Variants in TENM4 observed in about 807,000 individuals in gnomAD.
The protein encoded by TENM4 is teneurin-4.
A neutral mutation model predicts 243.3 loss-of-function variants in TENM4; 82 were observed. The observed-to-expected ratio is 0.34, with a 90% CI of 0.28 to 0.40. The LOEUF (loss-of-function observed/expected upper bound fraction) is 0.40. TENM4 is among the 10% of genes least tolerant of loss of function. The pLI, the probability that TENM4 is intolerant of heterozygous loss-of-function variation, is 1.00. For missense variants in TENM4, 3,138 were observed against 3,673.3 expected (o/e 0.85, Z 3.77); for synonymous variants, 1,412 against 1,456.3 (o/e 0.97, Z 0.69).
chr11:79,394,852 C>A (rs927224678), intron 1 of TENM4, among the ~76,000 whole-genome samples: 1 of 152,078 alleles, frequency 6.6e-6, no homozygotes, highest in African/African-American at 2.4e-5. Flanking sequence ...GAGAAGATAG[C>A]CATGTGAGGG....
intron 2 of TENM4, among the ~76,000 whole-genome samples, chr11:79,288,140 A>G (rs1470842446): frequency 6.6e-6 from 1 of 152,206 alleles, no homozygotes; most frequent in Non-Finnish European, 1.5e-5. Context: ...CCCTTGTGAA[A>G]CTGCTAGGCT....
At chr11:78,819,382 T>G (rs1351654187) in intron 12 of TENM4, among the ~76,000 whole-genome samples, 1 of 152,222 alleles carries the variant, frequency 6.6e-6, no homozygotes, top group Non-Finnish European at 1.5e-5. Context: ...TTTTCCTTTC[T>G]AAAATCCTGA....
chr11:78,984,882 G>A (rs1316035958), intron 6 of TENM4, among the ~76,000 whole-genome samples: 1 of 152,068 alleles, frequency 6.6e-6, no homozygotes, highest in African/African-American at 2.4e-5. Flanking sequence ...GCGATCAGTG[G>A]TTCCACGCAG....
chr11:78,850,471 C>G (rs1229230334), intron 12 of TENM4, among the ~76,000 whole-genome samples: 8 of 152,096 alleles, frequency 5.3e-5, no homozygotes, highest in Admixed American at 5.2e-4. Context: ...TAAAACAAGA[C>G]CTAAACTTTT....
At chr11:78,732,167 T>G in intron 21 of TENM4, 149 bp downstream of exon 21, 2 of 1,135,188 alleles carry the variant, frequency 1.8e-6, no homozygotes, top group Non-Finnish European at 2.4e-6. Flanking sequence ...TGCTGTGGGG[T>G]TTGGTGGCTG....
chr11:78,864,735 T>C (rs909613176), intron 9 of TENM4, among the ~76,000 whole-genome samples: 3 of 152,234 alleles, frequency 2.0e-5, no homozygotes, highest in African/African-American at 7.2e-5. Context: ...CTCAAGTCCC[T>C]GGACCCTCAT....
At chr11:79,377,382 A>C (rs2135518991) in intron 1 of TENM4, among the ~76,000 whole-genome samples, 1 of 152,212 alleles carries the variant, frequency 6.6e-6, no homozygotes, top group East Asian at 1.9e-4. Context: ...CCAGACACCC[A>C]GCATGTCATC....
chr11:78,982,596 A>T (rs1174468110), intron 6 of TENM4, among the ~76,000 whole-genome samples: 4 of 152,234 alleles, frequency 2.6e-5, no homozygotes, highest in Admixed American at 2.6e-4. Context: ...TGGCCCAGGG[A>T]TGCATTCACA....
chr11:78,947,068 T>C (rs1460020642), intron 6 of TENM4, among the ~76,000 whole-genome samples: 1 of 152,190 alleles, frequency 6.6e-6, no homozygotes, highest in Non-Finnish European at 1.5e-5. Context: ...TGAAAGAAAT[T>C]CTACTGTGGG....
At chr11:79,247,011 C>G (rs565933286) in intron 2 of TENM4, among the ~76,000 whole-genome samples, 25 of 150,048 alleles carry the variant, frequency 1.7e-4, no homozygotes, top group Middle Eastern at 3.5e-3. Flanking sequence ...CCCCCCCACC[C>G]CCAAAACAAA....
intron 4 of TENM4, among the ~76,000 whole-genome samples, chr11:79,112,616 A>G (rs750104343): frequency 1.7e-4 from 26 of 152,098 alleles, no homozygotes; most frequent in Non-Finnish European, 7.4e-5. Context: ...TTTTAAATAG[A>G]AGCTCTGGCT....
intron 4 of TENM4, among the ~76,000 whole-genome samples, chr11:79,080,232 A>G (rs1244238548): frequency 6.6e-6 from 1 of 152,114 alleles, no homozygotes; most frequent in Non-Finnish European, 1.5e-5. Flanking sequence ...TTCCCATCCA[A>G]CAAGGCTTTA....
intron 9 of TENM4, among the ~76,000 whole-genome samples, chr11:78,882,397 AC>A (rs1423636814): frequency 2.0e-5 from 3 of 152,156 alleles, no homozygotes; most frequent in Non-Finnish European, 4.4e-5. Flanking sequence ...TGCCTAGAGT[AC>A]CCTTGGCAGA....
Position 78,658,276 on chromosome 11 carries a change from C to T in TENM4, c.8092G>A (p.Ala2698Thr), listed in dbSNP as rs1857945247. 6.2e-7 allele frequency: 1 copy of T among 1,612,896 alleles called. No individual in the cohort carries two copies. The highest frequency in any genetic ancestry group is 8.5e-7 in the Non-Finnish European group (1 of 1,179,196). ...TCGCGGGCCCACGCTTGGCGCACGGCTCTCTGCCGGGCCAGCTCCAGGACC... is the reference window on the plus strand; with the variant it reads ...TCGCGGGCCCACGCTTGGCGCACGGTTCTCTGCCGGGCCAGCTCCAGGACC... Reference protein sequence around the residue: ...ARVLELARQRAVRQAWAREQQ... With the variant: ...ARVLELARQRTVRQAWAREQQ... The change falls in exon 34 of 34, where the codon GCC becomes ACC. Residue 2698 changes from alanine (A) to threonine (T), a missense_variant. Ala to Thr is a moderately conservative substitution (Grantham distance 58, BLOSUM62 0). Around this residue, in one of 2 missense-constraint regions of TENM4, gnomAD observed 2,467 missense variants for 3,059.1 expected, o/e 0.81. Coordinates refer to ENST00000278550, the MANE Select transcript of TENM4 (RefSeq NM_001098816.3).
intron 9 of TENM4, among the ~76,000 whole-genome samples, chr11:78,874,423 A>G (rs948971889): frequency 6.6e-6 from 1 of 152,208 alleles, no homozygotes; most frequent in African/African-American, 2.4e-5. Flanking sequence ...CTAATGTAAT[A>G]CAGTCTGTGT....
At chr11:79,281,207 A>G (rs1415701103) in intron 2 of TENM4, among the ~76,000 whole-genome samples, 1 of 152,170 alleles carries the variant, frequency 6.6e-6, no homozygotes, top group Non-Finnish European at 1.5e-5. Context: ...CAGCACAGTG[A>G]TTATTATACT....
intron 3 of TENM4, among the ~76,000 whole-genome samples, chr11:79,214,389 A>G (rs1864010490): frequency 1.3e-5 from 2 of 152,198 alleles, no homozygotes; most frequent in African/African-American, 4.8e-5. Context: ...TGTCAGGGTG[A>G]GGGAAAAGCC....
intron 4 of TENM4, among the ~76,000 whole-genome samples, chr11:79,122,343 G>A (rs377708779): frequency 2.0e-5 from 3 of 152,174 alleles, no homozygotes; most frequent in South Asian, 2.1e-4. Context: ...GGAGCTAATC[G>A]TCCACTAGAG....
At chr11:78,683,812 A>G (rs968212908) in intron 29 of TENM4, among the ~76,000 whole-genome samples, 2 of 152,180 alleles carry the variant, frequency 1.3e-5, no homozygotes, top group Non-Finnish European at 2.9e-5. Flanking sequence ...CTAGATTCTT[A>G]ACTAAATGAA....
Sources: gnomAD v4.1 joint callset for allele counts (sites outside exome capture counted in the v4.1 genomes callset) on GRCh38, gnomAD v4.1.1 for gene constraint, gnomAD v4.1.1 regional missense constraint, MANE v1.5 for transcripts, NCBI Gene and HGNC (gene_info 2026-07-23, HGNC 2026-07-21) for gene names.